Variants in ANGPT2 observed in about 807,000 individuals in gnomAD.
ANGPT2 encodes angiopoietin 2.
A neutral mutation model predicts 62.9 loss-of-function variants in ANGPT2; 28 were observed. The ratio of observed to expected loss-of-function variants is 0.44; its 90% CI spans 0.33 to 0.61. The LOEUF (loss-of-function observed/expected upper bound fraction) is 0.61, where lower values mean the gene tolerates loss of function less well. Ranked by LOEUF, ANGPT2 falls within the 20% of genes least tolerant of loss-of-function variation. The pLI is 0.03. For missense variants in ANGPT2, 727 were observed against 594.9 expected (o/e 1.22, Z -2.31); for synonymous variants, 284 against 207.8 (o/e 1.37, Z -3.15).
intron 7 of ANGPT2, among the ~76,000 whole-genome samples, chr8:6,512,127 T>G (rs1397432524): frequency 6.6e-6 from 1 of 152,196 alleles, no homozygotes; most frequent in African/African-American, 2.4e-5. Context: ...ATAATGAGAA[T>G]AGTGAATATG....
At chr8:6,535,596 A>G (rs1488211678) in intron 1 of ANGPT2, among the ~76,000 whole-genome samples, 3 of 152,236 alleles carry the variant, frequency 2.0e-5, no homozygotes, top group Non-Finnish European at 4.4e-5. Flanking sequence ...ATATATGTAT[A>G]TAGTGTCTAT....
At chr8:6,511,439 G>T (rs919739564) in intron 7 of ANGPT2, among the ~76,000 whole-genome samples, 8 of 152,098 alleles carry the variant, frequency 5.3e-5, no homozygotes, top group African/African-American at 1.9e-4. Context: ...AAGATTTAAT[G>T]TACGCATAGC....
intron 7 of ANGPT2, 101 bp downstream of exon 7, chr8:6,513,577 C>T (rs1395443266): frequency 3.5e-6 from 3 of 853,848 alleles, no homozygotes; most frequent in Non-Finnish European, 3.5e-6. Context: ...TCGTGATCTG[C>T]CCACCTCGGC....
At chr8:6,505,328 C>CTTT (rs1479678827) in intron 8 of ANGPT2, among the ~76,000 whole-genome samples, 1 of 48,544 alleles carries the variant, frequency 2.1e-5, no homozygotes, top group African/African-American at 1.2e-4. Context: ...ATGTTATATA[C>CTTT]ATATAGAAAG....
intron 1 of ANGPT2, among the ~76,000 whole-genome samples, chr8:6,533,816 C>T (rs1024555149): frequency 2.0e-4 from 30 of 152,132 alleles, no homozygotes; most frequent in Non-Finnish European, 1.9e-4. Context: ...GACATGATTT[C>T]CCCCAAAATG....
At chr8:6,539,178 C>T (rs906773283) in intron 1 of ANGPT2, among the ~76,000 whole-genome samples, 60 of 152,290 alleles carry the variant, frequency 3.9e-4, no homozygotes, top group African/African-American at 1.1e-3. Flanking sequence ...CTAAACCCCT[C>T]GCCAGAGCCT....
At position 6,527,270 on chromosome 8, in the gene ANGPT2, T is replaced by C. The variant is rs1363886355; in HGVS notation, c.566+285A>G. On this transcript the variant is annotated intron_variant, in intron 3 of 8. Coordinates refer to ENST00000629816, the MANE Select transcript of ANGPT2 (RefSeq NM_001118887.2). Reference sequence around the variant, plus strand: ...CTCCACAGCACTAGCTGTATTTTTATAATAGATTAGCATGCAGAATACTGA... The same window carrying C: ...CTCCACAGCACTAGCTGTATTTTTACAATAGATTAGCATGCAGAATACTGA... Among the ~76,000 whole-genome samples, 3 of 152,080 alleles carry C rather than the reference T, an allele frequency of 2.0e-5. 1 individual carries two copies. The highest frequency in any genetic ancestry group is 2.0e-4 in the Admixed American group (3 of 15,258).
intron 1 of ANGPT2, among the ~76,000 whole-genome samples, chr8:6,537,403 A>T (rs1398574665): frequency 6.6e-6 from 1 of 152,028 alleles, no homozygotes. Flanking sequence ...TTTAACATTG[A>T]GGGCCACAGT....
At chr8:6,527,745 A>G (rs1453462900) in intron 2 of ANGPT2, 69 bp from the exon 3 acceptor site, 1 of 1,373,458 alleles carries the variant, frequency 7.3e-7, no homozygotes, top group Non-Finnish European at 9.9e-7. Context: ...CTTCCTTTTC[A>G]TTAAAGTACC....
rs55900711 is a variant in ANGPT2, at chr8:6,527,087, G to T, written c.566+468C>A. 6.4e-3 allele frequency among the ~76,000 whole-genome samples: 981 copies of T among 152,310 alleles called. 8 individuals are homozygous for T. The highest frequency in any genetic ancestry group is 0.023 in the African/African-American group (945 of 41,566). ...TGAAGCTAAGTCCCCAAGGGCAAAG[G>T]ATCTTGGTCAAGTTAATACTGAAAT... On this transcript the variant is annotated intron_variant, in intron 3 of 8. Coordinates refer to ENST00000629816, the MANE Select transcript of ANGPT2 (RefSeq NM_001118887.2).
intron 8 of ANGPT2, among the ~76,000 whole-genome samples, chr8:6,503,754 T>C (rs1397063991): frequency 3.3e-5 from 5 of 152,192 alleles, no homozygotes; most frequent in Non-Finnish European, 1.5e-5. Flanking sequence ...AGGAAGTCTC[T>C]ATGTTTCAGA....
chr8:6,529,099 T>C (rs2442608), intron 2 of ANGPT2, among the ~76,000 whole-genome samples: 71,417 of 152,076 alleles, frequency 0.47, 17,124 homozygotes, highest in African/African-American at 0.56. Flanking sequence ...AAGGATGGCA[T>C]ATAAGTCATG....
rs1346630585 is a variant in ANGPT2, at chr8:6,502,551, C to G, written c.*550G>C. On this transcript the variant is annotated 3_prime_UTR_variant, in exon 9 of 9. Coordinates refer to ENST00000629816, the MANE Select transcript of ANGPT2 (RefSeq NM_001118887.2). ...ACCTAAGAGATGGAGTAAAAATGCA[C>G]TAACTGTTTTTCCAAATATTAAACT... 6.6e-6 allele frequency: 1 copy of G among 152,208 alleles called. No homozygotes were observed. The highest frequency in any genetic ancestry group is 2.4e-5 in the African/African-American group (1 of 41,454). The allele number at this position is 152,208 out of a possible 1,614,324, so 9.4% of individuals were successfully genotyped here. A position where few individuals can be genotyped will look rare whatever the true frequency, so the allele number is the denominator to read the frequency against.
In ANGPT2 at chr8:6,500,808, C is replaced by A. The variant is rs2129562822; in HGVS notation, c.*2293G>T. ...AGTAAAAACACAAATTCCCCCCATT[C>A]TCGCTCATAAGAGATTATATATGAT... is the stretch of plus-strand genomic sequence containing the variant. On this transcript the variant is annotated 3_prime_UTR_variant, in exon 9 of 9. Coordinates refer to ENST00000629816, the MANE Select transcript of ANGPT2 (RefSeq NM_001118887.2). 1 of 152,312 alleles carries A rather than the reference C, an allele frequency of 6.6e-6. No homozygotes were observed. The highest frequency in any genetic ancestry group is 2.1e-4 in the South Asian group (1 of 4,830). 9.4% of individuals were successfully genotyped at this position (152,312 alleles called of 1,614,324 possible).
intron 1 of ANGPT2, among the ~76,000 whole-genome samples, chr8:6,538,256 A>G (rs1820866036): frequency 6.6e-6 from 1 of 152,054 alleles, no homozygotes; most frequent in Admixed American, 6.5e-5. Context: ...GAAATAAGAT[A>G]TTGCAACCAT....
chr8:6,556,330 A>AT (rs1215685007), intron 1 of ANGPT2, among the ~76,000 whole-genome samples: 1 of 152,076 alleles, frequency 6.6e-6, no homozygotes, highest in Admixed American at 6.5e-5. Flanking sequence ...TATATTCTCC[A>AT]TTTTTTGCAG....
intron 3 of ANGPT2, among the ~76,000 whole-genome samples, chr8:6,523,327 TG>T (rs1563341256): frequency 6.6e-6 from 1 of 152,108 alleles, no homozygotes; most frequent in East Asian, 1.9e-4. Context: ...TTTAGAGAGC[TG>T]GTAAAATTAT....
At position 6,521,275 on chromosome 8, in the gene ANGPT2, T is replaced by G. The variant is rs769612050; in HGVS notation, c.702A>C (p.Ile234=). The G allele has an allele frequency of 1.1e-5, 17 of 1,613,930 alleles. No homozygotes were observed. In the African/African-American group the frequency reaches 1.5e-4, roughly 14 times the overall value. ...NSIIEELEKK[I]VTATVNNSVL... ...CTGAATTATTCACCGTGGCAGTCAC[T>G]ATTTTTTTTTCTAGTTCTTCAATGA... Residue 234 remains isoleucine (I), a synonymous_variant, in exon 4 of 9, where the codon ATA becomes ATC. Coordinates refer to ENST00000629816, the MANE Select transcript of ANGPT2 (RefSeq NM_001118887.2).
intron 7 of ANGPT2, among the ~76,000 whole-genome samples, chr8:6,509,989 T>TAGCCA (rs1202344998): frequency 3.3e-5 from 5 of 152,102 alleles, no homozygotes; most frequent in Non-Finnish European, 7.4e-5. Flanking sequence ...AATCCCAAAG[T>TAGCCA]GTAGTTTCTG....
Sources: allele counts gnomAD v4.1 joint callset (sites outside exome capture counted in the v4.1 genomes callset), GRCh38; gene constraint gnomAD v4.1.1; transcripts MANE v1.5; gene names NCBI Gene and HGNC (gene_info 2026-07-23, HGNC 2026-07-21).